CFAP96: variants seen among roughly 807,000 people sequenced by gnomAD.
CFAP96 encodes cilia and flagella associated protein 96.
chr4:185,447,479 C>A, the CFAP96 span, among the ~76,000 whole-genome samples: 1 of 151,998 alleles, frequency 6.6e-6, no homozygotes. Flanking sequence ...CACGCCCGGC[C>A]GATTTTATAT....
chr4:185,442,447 A>G, the CFAP96 span, among the ~76,000 whole-genome samples: 23 of 152,008 alleles, frequency 1.5e-4, no homozygotes, highest in Non-Finnish European at 5.9e-5. Flanking sequence ...TCCCCATCAT[A>G]TTTTCCTTCA....
At chr4:185,422,370 C>T in the CFAP96 span, 2 of 784,848 alleles carry the variant, frequency 2.5e-6, no homozygotes, top group Non-Finnish European at 4.2e-6. Context: ...TACTTACTAA[C>T]AATATAATCT....
At chr4:185,416,050 T>C in the CFAP96 span, 1 of 451,434 alleles carries the variant, frequency 2.2e-6, no homozygotes, top group Non-Finnish European at 3.8e-6. Flanking sequence ...TGGCTGTGAA[T>C]GATCAACTGA....
chr4:185,440,857 C>G, the CFAP96 span: 1 of 179,914 alleles, frequency 5.6e-6, no homozygotes, highest in African/African-American at 2.3e-5. Context: ...CCCATTTTTA[C>G]AAAATTACAT....
the CFAP96 span, among the ~76,000 whole-genome samples, chr4:185,410,472 A>C: frequency 1.3e-5 from 2 of 151,918 alleles, no homozygotes; most frequent in African/African-American, 4.8e-5. Flanking sequence ...AGCATGATGA[A>C]ACCCTGTCTC....
At chr4:185,418,537 TATGAA>T in the CFAP96 span, 6 of 1,610,238 alleles carry the variant, frequency 3.7e-6, no homozygotes, top group Non-Finnish European at 5.1e-6. Flanking sequence ...ACATTTATAA[TATGAA>T]ATGATGTTTT....
At chr4:185,432,688 C>T in the CFAP96 span, among the ~76,000 whole-genome samples, 1 of 152,006 alleles carries the variant, frequency 6.6e-6, no homozygotes, top group Middle Eastern at 3.4e-3. Context: ...TATAGAGAGA[C>T]CCCATCTCTA....
chr4:185,428,010 T>A, the CFAP96 span, among the ~76,000 whole-genome samples: 1 of 148,042 alleles, frequency 6.8e-6, no homozygotes, highest in African/African-American at 2.5e-5. Flanking sequence ...CGCTTGAACC[T>A]GGGAAGCGGA....
At chr4:185,434,118 C>G in the CFAP96 span, among the ~76,000 whole-genome samples, 1 of 151,914 alleles carries the variant, frequency 6.6e-6, no homozygotes, top group Admixed American at 6.6e-5. Flanking sequence ...ACTCGGGAGG[C>G]GGAGGTTGCA....
At chr4:185,422,489 A>G in the CFAP96 span, 1 of 1,608,230 alleles carries the variant, frequency 6.2e-7, no homozygotes, top group Admixed American at 1.7e-5. Flanking sequence ...ACCTACCATT[A>G]GGAGTAGCTA....
the CFAP96 span, among the ~76,000 whole-genome samples, chr4:185,420,378 A>G: frequency 2.0e-5 from 3 of 152,228 alleles, no homozygotes; most frequent in Non-Finnish European, 2.9e-5. Context: ...AAACAATATA[A>G]GAAGATATAG....
chr4:185,436,410 G>A, the CFAP96 span: 20 of 1,325,290 alleles, frequency 1.5e-5, no homozygotes, highest in Non-Finnish European at 1.5e-5. Flanking sequence ...TAGCTAACTC[G>A]ATATTAATAA....
the CFAP96 span, among the ~76,000 whole-genome samples, chr4:185,416,796 A>C: frequency 2.6e-5 from 4 of 152,220 alleles, no homozygotes; most frequent in East Asian, 7.7e-4. Flanking sequence ...ATCTTGGAAA[A>C]TGTGAGCATC....
the CFAP96 span, among the ~76,000 whole-genome samples, chr4:185,449,300 C>T: frequency 2.0e-5 from 3 of 152,052 alleles, no homozygotes; most frequent in Non-Finnish European, 1.5e-5. Context: ...GTAGGCAGAT[C>T]GCTTGAGCCC....
the CFAP96 span, chr4:185,429,485 G>A: frequency 1.3e-6 from 2 of 1,534,858 alleles, no homozygotes; most frequent in Admixed American, 2.1e-5. Flanking sequence ...ATTACTGTGG[G>A]TGATAAATAT....
the CFAP96 span, among the ~76,000 whole-genome samples, chr4:185,449,249 G>A: frequency 8.5e-5 from 13 of 152,110 alleles, no homozygotes; most frequent in African/African-American, 1.2e-4. Context: ...TAGGCTGGGC[G>A]TGTTGGCTCG....
the CFAP96 span, among the ~76,000 whole-genome samples, chr4:185,422,082 A>G: frequency 1.1e-4 from 17 of 152,354 alleles, no homozygotes; most frequent in Admixed American, 5.9e-4. Context: ...TTTTTCTTCC[A>G]TAGAGTTCTT....
chr4:185,424,114 C>T, the CFAP96 span, among the ~76,000 whole-genome samples: 4 of 144,578 alleles, frequency 2.8e-5, no homozygotes, highest in Non-Finnish European at 1.5e-5. Context: ...CCAGACTGGG[C>T]AACATAGGAA....
chr4:185,415,900 G>A, the CFAP96 span: 2 of 1,545,874 alleles, frequency 1.3e-6, no homozygotes, highest in South Asian at 1.2e-5. Context: ...TCAACTTGTA[G>A]TGCATTAAAC....
Sources: allele counts gnomAD v4.1 joint callset (sites outside exome capture counted in the v4.1 genomes callset), GRCh38; gene constraint gnomAD v4.1.1; transcripts MANE v1.5; gene names NCBI Gene and HGNC (gene_info 2026-07-23, HGNC 2026-07-21).